STAG1: variants seen among roughly 807,000 people sequenced by gnomAD.
STAG1 encodes STAG1 cohesin complex component, also known as cohesin subunit SA-1.
In STAG1, 26 loss-of-function variants were observed where a neutral mutation model predicts 170.9. The ratio of observed to expected loss-of-function variants is 0.15; its 90% confidence interval spans 0.11 to 0.21. The LOEUF is 0.21. Ranked by LOEUF, STAG1 falls within the 10% of genes least tolerant of loss-of-function variation. The pLI is 1.00. For missense variants in STAG1, 964 were observed against 1,509.5 expected, an observed-to-expected ratio of 0.64 and a Z score of 5.99; for synonymous variants, 514 against 497.7, an observed-to-expected ratio of 1.03 and a Z score of -0.44.
At chr3:136,548,119 G>GTT (rs112244750) in intron 5 of STAG1, among the ~76,000 whole-genome samples, 11 of 142,372 alleles carry the variant, frequency 7.7e-5, no homozygotes, top group African/African-American at 1.8e-4. Context: ...GTTTTGTTTT[G>GTT]TTTTTTTTTT....
chr3:136,572,471 T>C (rs949735457), intron 4 of STAG1, among the ~76,000 whole-genome samples: 1 of 151,600 alleles, frequency 6.6e-6, no homozygotes, highest in African/African-American at 2.4e-5. Flanking sequence ...TGCACACCTG[T>C]GGTCCCAGCT....
chr3:136,376,638 G>C (rs1256844773), intron 23 of STAG1, among the ~76,000 whole-genome samples: 1 of 152,136 alleles, frequency 6.6e-6, no homozygotes, highest in Non-Finnish European at 1.5e-5. Flanking sequence ...TGTTTGGGCG[G>C]GTGGTATTGA....
chr3:136,369,052 A>G (rs759564852), intron 24 of STAG1, 56 bp downstream of exon 24: 8 of 1,368,522 alleles, frequency 5.8e-6, no homozygotes, highest in African/African-American at 1.5e-5. Context: ...CTTTTCTCCT[A>G]TCTTTTGGGG....
At chr3:136,642,240 C>T (rs1446403506) in intron 1 of STAG1, among the ~76,000 whole-genome samples, 6 of 148,494 alleles carry the variant, frequency 4.0e-5, no homozygotes, top group African/African-American at 2.5e-5. Flanking sequence ...CTATGGAACA[C>T]GTACTGTGTA....
chr3:136,531,593 A>C (rs1285013868), intron 6 of STAG1, among the ~76,000 whole-genome samples: 1 of 151,878 alleles, frequency 6.6e-6, no homozygotes, highest in Non-Finnish European at 1.5e-5. Context: ...AAAAATGATG[A>C]GTTCATGTCC....
Position 136,633,710 on chromosome 3 carries a change from A to AAGGGG in STAG1, c.-83-2730_-83-2729insCCCCT, listed in dbSNP as rs1491192814. Among the ~76,000 whole-genome samples, 15 of 44,806 alleles carry AAGGGG rather than the reference A, an allele frequency of 3.3e-4. 2 individuals carry two copies. Among genetic ancestry groups the AAGGGG allele is most frequent in the Non-Finnish European group, 4.7e-4 (12 of 25,638 alleles). 29.4% of individuals were successfully genotyped at this position (44,806 alleles called of 152,430 possible). ...GCAAAAGTTTCCATATCAAAAAAAA[A>AAGGGG]GGGGGGGGGGGGGGTCAGGGGCACA... On this transcript the variant is annotated intron_variant, in intron 1 of 33. Coordinates refer to ENST00000383202, the MANE Select transcript of STAG1 (RefSeq NM_005862.3).
At position 136,443,417 on chromosome 3, in the gene STAG1, A is replaced by C. The variant is rs2088688100; in HGVS notation, c.1429-13T>G. On this transcript the variant is annotated splice_polypyrimidine_tract_variant and intron_variant, in intron 14 of 33. Transcript: ENST00000383202. ...CATGTTCATGTAACTAAAAAGAAAA[A>C]ATCAAGTGTGACCAAAGAATATTTA... 6.4e-7 allele frequency: 1 copy of C among 1,559,330 alleles called. No individual in the cohort carries two copies. The highest frequency in any genetic ancestry group is 8.8e-7 in the Non-Finnish European group (1 of 1,137,420).
chr3:136,625,503 C>T (rs973489359), intron 2 of STAG1, among the ~76,000 whole-genome samples: 12 of 152,186 alleles, frequency 7.9e-5, no homozygotes, highest in African/African-American at 2.9e-4. Flanking sequence ...TTACCTCTGA[C>T]TTTCTACTCA....
At chr3:136,450,624 T>C (rs902972853) in intron 14 of STAG1, among the ~76,000 whole-genome samples, 2 of 152,394 alleles carry the variant, frequency 1.3e-5, no homozygotes, top group African/African-American at 4.8e-5. Context: ...TGAGCATTCA[T>C]AGAATCGTTT....
At chr3:136,570,330 GTTGTA>G (rs1445823089) in intron 4 of STAG1, among the ~76,000 whole-genome samples, 1 of 152,080 alleles carries the variant, frequency 6.6e-6, no homozygotes, top group Non-Finnish European at 1.5e-5. Context: ...TTCAAGCAAA[GTTGTA>G]TTGGTAAGAT....
chr3:136,478,568 T>A (rs1231548369), intron 9 of STAG1, among the ~76,000 whole-genome samples: 3 of 152,192 alleles, frequency 2.0e-5, no homozygotes, highest in Non-Finnish European at 4.4e-5. Flanking sequence ...ATTATCCAAT[T>A]TACAAAAGGC....
At chr3:136,737,040 AAC>A (rs1415220780) in intron 1 of STAG1, 4 of 1,448,066 alleles carry the variant, frequency 2.8e-6, no homozygotes, top group Non-Finnish European at 2.9e-6. Flanking sequence ...CTTCATCTGT[AAC>A]TTCAGGATCT....
intron 4 of STAG1, among the ~76,000 whole-genome samples, chr3:136,597,700 A>C (rs1298999659): frequency 6.6e-6 from 1 of 152,138 alleles, no homozygotes; most frequent in Admixed American, 6.6e-5. Flanking sequence ...TAGTTCTAAC[A>C]GTCTACGGTT....
At chr3:136,613,313 CAAAAA>C (rs60449608) in intron 3 of STAG1, among the ~76,000 whole-genome samples, 8 of 59,762 alleles carry the variant, frequency 1.3e-4, no homozygotes, top group South Asian at 9.1e-4. Flanking sequence ...GACTCCGTCT[CAAAAA>C]AAAAAAAAAA....
chr3:136,553,240 G>C (rs1405382591), intron 5 of STAG1, among the ~76,000 whole-genome samples: 1 of 152,028 alleles, frequency 6.6e-6, no homozygotes, highest in Non-Finnish European at 1.5e-5. Context: ...ATTTGGGGGG[G>C]ATATTATTCA....
At chr3:136,512,011 T>C (rs1934088067) in intron 7 of STAG1, among the ~76,000 whole-genome samples, 1 of 149,598 alleles carries the variant, frequency 6.7e-6, no homozygotes, top group Non-Finnish European at 1.5e-5. Flanking sequence ...TCCTAGCACT[T>C]TGGGAGGCCA....
At position 136,359,173 on chromosome 3, in the gene STAG1, G is replaced by A. The variant is rs752453649; in HGVS notation, c.2911C>T (p.Arg971Ter). ...TTGTGAAGTGTGGCAACTGCTTCTC[G>A]TGTCTTAATCTGGTCCAATCCAAAT... ...LTFGLDQIKT[R>*]EAVATLHKDG... Residue 971 changes from arginine to a stop codon, truncating the protein, a stop_gained, in exon 27 of 34, where the codon CGA (arginine) becomes TGA (stop). Transcript: ENST00000383202. LOFTEE classifies it high-confidence loss of function. 1 of 1,611,552 alleles carries A rather than the reference G, an allele frequency of 6.2e-7. No homozygotes were observed. The highest frequency in any genetic ancestry group is 8.5e-7 in the Non-Finnish European group (1 of 1,178,868).
chr3:136,527,826 C>G (rs1935131637), intron 6 of STAG1, among the ~76,000 whole-genome samples: 1 of 152,172 alleles, frequency 6.6e-6, no homozygotes, highest in Non-Finnish European at 1.5e-5. Flanking sequence ...AGCTGCAGGT[C>G]TGTTGGAGTT....
At chr3:136,577,319 T>C (rs1399396000) in intron 4 of STAG1, among the ~76,000 whole-genome samples, 1 of 152,120 alleles carries the variant, frequency 6.6e-6, no homozygotes, top group Non-Finnish European at 1.5e-5. Flanking sequence ...TTGTTGAAAA[T>C]CAAGCCAATA....
Sources: gnomAD v4.1 joint callset for allele counts (sites outside exome capture counted in the v4.1 genomes callset) on GRCh38, gnomAD v4.1.1 for gene constraint, MANE v1.5 for transcripts, NCBI Gene and HGNC (gene_info 2026-07-23, HGNC 2026-07-21) for gene names.